The following ENTPD1 variants were observed in gnomAD, a reference collection of about 807,000 sequenced individuals.
The protein encoded by ENTPD1 is ectonucleoside triphosphate diphosphohydrolase 1.
In ENTPD1, 33 loss-of-function variants were observed where a neutral mutation model predicts 57.0. The observed-to-expected ratio is 0.58, with a 90% CI of 0.44 to 0.77. The LOEUF (loss-of-function observed/expected upper bound fraction) is 0.77. ENTPD1 is among the 30% of genes least tolerant of loss of function. The pLI, the probability that ENTPD1 is intolerant of heterozygous loss-of-function variation, is 0.00. For synonymous variants in ENTPD1, 202 were observed against 218.8 expected (o/e 0.92, Z 0.68); for missense variants, 501 against 603.4 (o/e 0.83, Z 1.78).
intron 1 of ENTPD1, among the ~76,000 whole-genome samples, chr10:95,798,988 A>G (rs1346957704): frequency 6.6e-6 from 1 of 152,214 alleles, no homozygotes; most frequent in Non-Finnish European, 1.5e-5. Context: ...AGTGGTCTTC[A>G]CGTTGCTTCT....
chr10:95,777,606 G>T (rs531636509), intron 1 of ENTPD1, among the ~76,000 whole-genome samples: 2 of 152,190 alleles, frequency 1.3e-5, no homozygotes, highest in Non-Finnish European at 2.9e-5. Context: ...GCTACATGGG[G>T]GTCAGAGACC....
At chr10:95,776,548 C>G (rs1489885865) in intron 1 of ENTPD1, among the ~76,000 whole-genome samples, 1 of 152,148 alleles carries the variant, frequency 6.6e-6, no homozygotes, top group Non-Finnish European at 1.5e-5. Context: ...GTAACCCGAC[C>G]TTTCTCTCTG....
chr10:95,712,140 G>A lies in ENTPD1; in HGVS notation c.37+147G>A, dbSNP rs777106190. 77 of 1,130,168 alleles carry A rather than the reference G, an allele frequency of 6.8e-5. 2 individuals are homozygous for A. The highest frequency in any genetic ancestry group is 9.5e-5 in the Non-Finnish European group (73 of 770,850). The allele number at this position is 1,130,168 out of a possible 1,614,324, so 70.0% of individuals were successfully genotyped here. A position where few individuals can be genotyped will look rare whatever the true frequency, so the allele number is the denominator to read the frequency against. ...AGGATTTGTGTGACTAGTTTTGGGTGTAGCGACTCTGGTGTCCTTTTTTGG... is the reference window on the plus strand; with the variant it reads ...AGGATTTGTGTGACTAGTTTTGGGTATAGCGACTCTGGTGTCCTTTTTTGG... On this transcript the variant is annotated intron_variant, in intron 1 of 9. Coordinates refer to the ENTPD1 transcript ENST00000453258.
At chr10:95,760,489 C>G (rs926865943) in intron 1 of ENTPD1, among the ~76,000 whole-genome samples, 2 of 152,270 alleles carry the variant, frequency 1.3e-5, no homozygotes, top group South Asian at 2.1e-4. Flanking sequence ...CACTATGGGT[C>G]GTGTAATCAA....
the ENTPD1 span, among the ~76,000 whole-genome samples, chr10:95,698,689 A>C: frequency 2.0e-5 from 3 of 152,246 alleles, no homozygotes; most frequent in African/African-American, 4.8e-5. Context: ...TCCCACCGGC[A>C]AGATGGCTCT....
At position 95,871,964 on chromosome 10, in the gene ENTPD1, C is replaced by T; in HGVS notation, c.*5581C>T. ...TTGCAATTACCTAAACTGAACTCTA[C>T]CATTACTCCTAACCCAGTTCCTCCT... is the stretch of plus-strand genomic sequence containing the variant. On this transcript the variant is annotated 3_prime_UTR_variant, in exon 10 of 10. Transcript: ENST00000371205. 15 of 985,442 alleles carry T rather than the reference C, an allele frequency of 1.5e-5. No homozygotes were observed. Among genetic ancestry groups the T allele is most frequent in the Non-Finnish European group, 1.8e-5 (15 of 829,936 alleles). 61.0% of individuals were successfully genotyped at this position (985,442 alleles called of 1,614,324 possible). A position where few individuals can be genotyped will look rare whatever the true frequency, so the allele number is the denominator to read the frequency against.
intron 6 of ENTPD1, chr10:95,845,897 G>T (rs560697854): frequency 9.9e-6 from 4 of 403,234 alleles, no homozygotes; most frequent in African/African-American, 6.0e-5. Context: ...AATATTGTTT[G>T]TTGGAGGGGG....
chr10:95,733,229 C>CT (rs1291561669), intron 1 of ENTPD1, among the ~76,000 whole-genome samples: 1 of 152,194 alleles, frequency 6.6e-6, no homozygotes, highest in Non-Finnish European at 1.5e-5. Context: ...CTCCTATTTA[C>CT]TTTTGAAAGA....
upstream of ENTPD1, chr10:95,755,804 T>G: frequency 6.6e-7 from 1 of 1,520,862 alleles, no homozygotes; most frequent in Non-Finnish European, 8.8e-7. Context: ...ATAATTGCAG[T>G]AAGGAATAGC....
rs553451243 is a variant in ENTPD1 at position 95,828,991 on chromosome 10, A to G, written c.144+5627A>G. Among the ~76,000 whole-genome samples, 193 of 152,312 alleles carry G rather than the reference A, an allele frequency of 1.3e-3. 1 individual carries two copies. Among genetic ancestry groups the G allele is most frequent in the South Asian group, 2.7e-3 (13 of 4,822 alleles). On this transcript the variant is annotated intron_variant, in intron 2 of 9. Transcript: ENST00000371205. The stretch of plus-strand genomic sequence containing the variant: ...CTCCCAAAGTGCTGGGATTACAGGC[A>G]TGAGCCATCGCACCTGGCCATGCCC...
intron 1 of ENTPD1, among the ~76,000 whole-genome samples, chr10:95,808,806 G>A (rs1295845270): frequency 1.3e-5 from 2 of 151,790 alleles, no homozygotes; most frequent in Non-Finnish European, 2.9e-5. Context: ...CAATAGTGGA[G>A]AGAAGGTCAG....
chr10:95,864,922 G>T, intron 9 of ENTPD1, 61 bp downstream of exon 9: 1 of 1,584,980 alleles, frequency 6.3e-7, no homozygotes, highest in Non-Finnish European at 8.6e-7. Context: ...GACTGAAGCA[G>T]TTTGGGGCTT....
At chr10:95,818,656 G>A (rs2098338126) in intron 1 of ENTPD1, among the ~76,000 whole-genome samples, 1 of 152,222 alleles carries the variant, frequency 6.6e-6, no homozygotes, top group East Asian at 1.9e-4. Context: ...ATAACTGAGA[G>A]AGGATCTTCA....
intron 8 of ENTPD1, among the ~76,000 whole-genome samples, chr10:95,862,471 G>T (rs1351410166): frequency 6.6e-6 from 1 of 152,208 alleles, no homozygotes; most frequent in Admixed American, 6.5e-5. Flanking sequence ...TGTACTATGT[G>T]TTGACAGTGG....
At chr10:95,769,608 C>T (rs995781074) in intron 1 of ENTPD1, among the ~76,000 whole-genome samples, 1 of 152,192 alleles carries the variant, frequency 6.6e-6, no homozygotes, top group African/African-American at 2.4e-5. Context: ...ACAGGAGTGA[C>T]TTTATCCAAT....
chr10:95,871,360 A>ACTT lies in ENTPD1; in HGVS notation c.*4981_*4983dup. Reference sequence around the variant, plus strand: ...ACTTCTAAGACATCATCAGTCTGCAACTTCTTTCCATAGCCTTAATCAGGA... The same window carrying ACTT: ...ACTTCTAAGACATCATCAGTCTGCAACTTCTTCTTTCCATAGCCTTAATCAGGA... On this transcript the variant is annotated 3_prime_UTR_variant, in exon 10 of 10. Coordinates refer to ENST00000371205, the MANE Select transcript of ENTPD1 (RefSeq NM_001776.6). 1.0e-6 allele frequency: 1 copy of ACTT among 985,442 alleles called. No individual in the cohort carries two copies. The highest frequency in any genetic ancestry group is 1.2e-6 in the Non-Finnish European group (1 of 829,910). 61.0% of individuals were successfully genotyped at this position (985,442 alleles called of 1,614,324 possible). A position where few individuals can be genotyped will look rare whatever the true frequency, so the allele number is the denominator to read the frequency against.
intron 1 of ENTPD1, among the ~76,000 whole-genome samples, chr10:95,773,878 T>C (rs1406277873): frequency 6.6e-6 from 1 of 152,220 alleles, no homozygotes; most frequent in African/African-American, 2.4e-5. Flanking sequence ...CAAATGGTAT[T>C]TCTAGTTCTA....
chr10:95,722,280 T>A (rs537755756), intron 1 of ENTPD1, among the ~76,000 whole-genome samples: 139 of 151,568 alleles, frequency 9.2e-4, no homozygotes, highest in African/African-American at 2.7e-3. Context: ...TGTTTTTTTT[T>A]AATTTTTTAA....
rs768199875 is a variant in ENTPD1 at position 95,839,752 on chromosome 10, C to T, written c.206C>T (p.Ala69Val). ...HTSLYIYKWP[A>V]EKENDTGVVH... ...AGTTTATACATCTATAAGTGGCCAGCAGAAAAGGAGAATGACACAGGCGTG... is the reference window on the plus strand; with the variant it reads ...AGTTTATACATCTATAAGTGGCCAGTAGAAAAGGAGAATGACACAGGCGTG... The change falls in exon 3 of 10, where the codon GCA (alanine) becomes GTA (valine). Residue 69 changes from alanine (A) to valine (V), a missense_variant. Physicochemically the swap from Ala to Val is moderately conservative, Grantham distance 64 (BLOSUM62 0). Coordinates refer to ENST00000371205, the MANE Select transcript of ENTPD1 (RefSeq NM_001776.6). 2.5e-6 allele frequency: 4 copies of T among 1,613,908 alleles called. No individual in the cohort carries two copies. The South Asian group carries it at 4.4e-5, about 18-fold the overall frequency.
Sources: allele counts gnomAD v4.1 joint callset (sites outside exome capture counted in the v4.1 genomes callset), GRCh38; gene constraint gnomAD v4.1.1; transcripts MANE v1.5; gene names NCBI Gene and HGNC (gene_info 2026-07-23, HGNC 2026-07-21).